ST6GAL1: variants seen among roughly 807,000 people sequenced by gnomAD.
ST6GAL1 encodes beta-galactoside alpha-2,6-sialyltransferase 1.
In ST6GAL1, 20 loss-of-function variants were observed where a neutral mutation model predicts 38.0. The observed-to-expected ratio is 0.53, with a 90% confidence interval of 0.37 to 0.77. The LOEUF (loss-of-function observed/expected upper bound fraction) is 0.77. Among genes scored for constraint, ST6GAL1 ranks in the 30% least tolerant of loss-of-function variants. The pLI is 0.00. For missense variants in ST6GAL1, 432 were observed against 496.4 expected, an observed-to-expected ratio of 0.87 and a Z score of 1.23; for synonymous variants, 196 against 188.2, an observed-to-expected ratio of 1.04 and a Z score of -0.34.
intron 5 of ST6GAL1, among the ~76,000 whole-genome samples, chr3:187,053,452 A>G (rs1718583741): frequency 1.3e-5 from 2 of 152,182 alleles, no homozygotes; most frequent in African/African-American, 4.8e-5. Flanking sequence ...TAAGTCTTTA[A>G]TCCACCTTGA....
intron 2 of ST6GAL1, chr3:186,975,234 C>G (rs1053995974): frequency 2.0e-5 from 3 of 152,580 alleles, no homozygotes; most frequent in Non-Finnish European, 4.4e-5. Flanking sequence ...GGAGTATGGC[C>G]TTGTATACTA....
intron 2 of ST6GAL1, among the ~76,000 whole-genome samples, chr3:186,967,353 A>G (rs1715177370): frequency 6.6e-6 from 1 of 152,104 alleles, no homozygotes; most frequent in Admixed American, 6.5e-5. Context: ...CACCACACCC[A>G]GCTAATTTTT....
intron 4 of ST6GAL1, among the ~76,000 whole-genome samples, chr3:187,045,077 G>A (rs1002788015): frequency 6.6e-6 from 1 of 152,200 alleles, no homozygotes; most frequent in Non-Finnish European, 1.5e-5. Context: ...TGCAGGCAGC[G>A]TGCCAGGCCC....
chr3:186,994,785 AAC>A (rs1716307287), intron 2 of ST6GAL1, among the ~76,000 whole-genome samples: 1 of 152,016 alleles, frequency 6.6e-6, no homozygotes, highest in Admixed American at 6.6e-5. Flanking sequence ...TTCTACTAAA[AAC>A]ACAAAATTTA....
chr3:186,967,874 G>T (rs963542233), intron 2 of ST6GAL1, among the ~76,000 whole-genome samples: 1 of 152,254 alleles, frequency 6.6e-6, no homozygotes, highest in African/African-American at 2.4e-5. Context: ...GGCAGTAGAG[G>T]CCAGGGTGTC....
In ST6GAL1 at chr3:187,075,605, T is replaced by C; in HGVS notation, c.1023T>C (p.Tyr341=). The change falls in exon 8 of 8, where the codon TAT becomes TAC. Residue 341 remains tyrosine (Y), a synonymous_variant. Transcript: ENST00000169298. This position sits in a 1 kb window ranked among gnomAD's most constrained non-coding sequence, Gnocchi z 4.1. ...CGCTGTGTGACCAGGTGGATATTTATGAGTTCCTCCCATCCAAGCGCAAGA... is the reference window on the plus strand; with the variant it reads ...CGCTGTGTGACCAGGTGGATATTTACGAGTTCCTCCCATCCAAGCGCAAGA... ...MMTLCDQVDI[Y]EFLPSKRKTD... The C allele has an allele frequency of 6.2e-7, 1 of 1,614,202 alleles. No homozygotes were observed. Among genetic ancestry groups the C allele is most frequent in the Non-Finnish European group, 8.5e-7 (1 of 1,180,026 alleles).
At position 187,076,674 on chromosome 3, in the gene ST6GAL1, G is replaced by C. The variant is rs1424087058; in HGVS notation, c.*871G>C. On this transcript the variant is annotated 3_prime_UTR_variant, in exon 8 of 8. Transcript: ENST00000169298. Reference sequence around the variant, plus strand: ...GGCATTCAGATGAGTCTTAGAGGAAGAGAAGAAACATGGCAAGCAGATTAC... The same window carrying C: ...GGCATTCAGATGAGTCTTAGAGGAACAGAAGAAACATGGCAAGCAGATTAC... 7.6e-6 allele frequency: 3 copies of C among 396,836 alleles called. No homozygotes were observed. Among genetic ancestry groups the C allele is most frequent in the Non-Finnish European group, 1.3e-5 (3 of 225,600 alleles). The allele number at this position is 396,836 out of a possible 1,614,324, so 24.6% of individuals were successfully genotyped here. A position where few individuals can be genotyped will look rare whatever the true frequency, so the allele number is the denominator to read the frequency against.
At chr3:187,024,753 G>A (rs998789002) in intron 2 of ST6GAL1, 1 of 150,064 alleles carries the variant, frequency 6.7e-6, no homozygotes, top group African/African-American at 2.5e-5. Context: ...AAAAGAAGAA[G>A]TAAGGGAGCG....
intron 2 of ST6GAL1, among the ~76,000 whole-genome samples, chr3:186,971,216 G>A (rs1160146931): frequency 6.6e-6 from 1 of 152,060 alleles, no homozygotes; most frequent in Non-Finnish European, 1.5e-5. Context: ...AGCCTCCTGA[G>A]TAGCTGGGAT....
In ST6GAL1 at chr3:186,945,906, G is replaced by C. The variant is rs763468428; in HGVS notation, c.-325+15072G>C. Reference sequence around the variant, plus strand: ...CTTGGGAGGCTGAGGCAGGAGAATGGTGTGAACCTGGGAGGCGGAGCTTGC... The same window carrying C: ...CTTGGGAGGCTGAGGCAGGAGAATGCTGTGAACCTGGGAGGCGGAGCTTGC... On this transcript the variant is annotated intron_variant, in intron 1 of 7. Coordinates refer to ENST00000169298, the MANE Select transcript of ST6GAL1 (RefSeq NM_173216.2). Among the ~76,000 whole-genome samples, 7 of 150,298 alleles carry C rather than the reference G, an allele frequency of 4.7e-5. No homozygotes were observed. The Admixed American group carries it at 4.7e-4, about 10-fold the overall frequency.
chr3:187,064,621 G>A (rs116264207), intron 5 of ST6GAL1: 5,778 of 456,596 alleles, frequency 0.013, 187 homozygotes, highest in African/African-American at 0.07. Flanking sequence ...TCTTAGGCAA[G>A]TCAGCTCTCT....
intron 5 of ST6GAL1, among the ~76,000 whole-genome samples, chr3:187,071,364 T>C (rs1007933861): frequency 2.0e-5 from 3 of 152,194 alleles, no homozygotes; most frequent in African/African-American, 7.2e-5. Flanking sequence ...GCTACTTTTC[T>C]TTCTCATTCA....
intron 5 of ST6GAL1, among the ~76,000 whole-genome samples, chr3:187,067,956 C>T (rs1206024695): frequency 1.3e-5 from 2 of 152,192 alleles, no homozygotes; most frequent in African/African-American, 2.4e-5. Flanking sequence ...ACACTCCATA[C>T]TCCTATCCAG....
intron 2 of ST6GAL1, among the ~76,000 whole-genome samples, chr3:186,977,853 A>T (rs749265263): frequency 6.6e-6 from 1 of 152,236 alleles, no homozygotes; most frequent in Non-Finnish European, 1.5e-5. Context: ...CATCACTTGA[A>T]ATAGTTTTAA....
intron 2 of ST6GAL1, among the ~76,000 whole-genome samples, chr3:186,981,851 T>C (rs1715708057): frequency 6.6e-6 from 1 of 152,224 alleles, no homozygotes; most frequent in African/African-American, 2.4e-5. Context: ...GGAAACCCTC[T>C]GAATGACCAC....
At chr3:186,992,057 G>C in intron 2 of ST6GAL1, among the ~76,000 whole-genome samples, 1 of 152,096 alleles carries the variant, frequency 6.6e-6, no homozygotes, top group East Asian at 1.9e-4. Context: ...TGTGGTACGT[G>C]AAAACAGTTT....
intron 2 of ST6GAL1, among the ~76,000 whole-genome samples, chr3:187,003,641 G>A (rs1014690650): frequency 6.6e-6 from 1 of 152,070 alleles, no homozygotes; most frequent in Non-Finnish European, 1.5e-5. Context: ...CTTTGCTACT[G>A]TAAACAGTAT....
intron 2 of ST6GAL1, among the ~76,000 whole-genome samples, chr3:186,988,801 C>T (rs1716046663): frequency 1.3e-5 from 2 of 152,178 alleles, no homozygotes; most frequent in East Asian, 3.9e-4. Flanking sequence ...GTATTCCCAG[C>T]TACTAGGGAG....
At chr3:187,006,169 T>C (rs1716778634) in intron 2 of ST6GAL1, 1 of 152,240 alleles carries the variant, frequency 6.6e-6, no homozygotes, top group Non-Finnish European at 1.5e-5. Flanking sequence ...AACTGAGAAA[T>C]GGCCCAGTTC....
Sources: allele counts gnomAD v4.1 joint callset (sites outside exome capture counted in the v4.1 genomes callset), GRCh38; gene constraint gnomAD v4.1.1; non-coding constraint Gnocchi (gnomAD v3.1); transcripts MANE v1.5; gene names NCBI Gene and HGNC (gene_info 2026-07-23, HGNC 2026-07-21).